EBPL: variants seen among roughly 807,000 people sequenced by gnomAD.
EBPL encodes the protein emopamil-binding protein-like.
A neutral mutation model predicts 19.0 loss-of-function variants in EBPL; 20 were observed. The ratio of observed to expected loss-of-function variants is 1.05; its 90% confidence interval spans 0.74 to 1.53. The LOEUF (loss-of-function observed/expected upper bound fraction) is 1.53, where lower values mean the gene tolerates loss of function less well. EBPL is among the 40% of genes most tolerant of loss of function. The pLI is 0.00. For missense variants in EBPL, 219 were observed against 261.1 expected (o/e 0.84, Z 1.11); for synonymous variants, 107 against 117.0 (o/e 0.91, Z 0.55).
intron 2 of EBPL, among the ~76,000 whole-genome samples, chr13:49,669,386 A>G (rs1953785863): frequency 6.6e-6 from 1 of 152,152 alleles, no homozygotes; most frequent in Non-Finnish European, 1.5e-5. Context: ...ACTTTTTTTA[A>G]AGATAGGGTC....
At chr13:49,670,006 C>A (rs908773922) in intron 1 of EBPL, among the ~76,000 whole-genome samples, 160 bp from the exon 2 acceptor site, 2 of 150,454 alleles carry the variant, frequency 1.3e-5, no homozygotes, top group Non-Finnish European at 3.0e-5. Flanking sequence ...GGGATACAAT[C>A]TTGGGACCTG....
rs185186684 is a variant in EBPL at position 49,664,217 on chromosome 13, A to G, written c.242-1022T>C. Among the ~76,000 whole-genome samples the G allele has an allele frequency of 4.0e-3, 615 of 152,358 alleles. 2 individuals carry two copies. Among genetic ancestry groups the G allele is most frequent in the Non-Finnish European group, 6.7e-3 (459 of 68,034 alleles). On this transcript the variant is annotated intron_variant, in intron 2 of 3. Coordinates refer to ENST00000242827, the MANE Select transcript of EBPL (RefSeq NM_032565.5). ...CAGTGAACCGAGATCGCACCACTGCACTCCGGCCTGGGCAACAAGAGCTAG... is the reference window on the plus strand; with the variant it reads ...CAGTGAACCGAGATCGCACCACTGCGCTCCGGCCTGGGCAACAAGAGCTAG...
intron 1 of EBPL, among the ~76,000 whole-genome samples, chr13:49,676,962 A>C (rs1156720187): frequency 6.6e-6 from 1 of 152,108 alleles, no homozygotes; most frequent in African/African-American, 2.4e-5. Flanking sequence ...TGTGACTTGC[A>C]AAAGTCCTTT....
In EBPL at chr13:49,691,268, C is replaced by G; in HGVS notation, c.157G>C (p.Val53Leu). ...ATGGCACTTACCAGCGCGAAGTGCACCAGCGCGTCGTAGCAGAGCCAGATG... is the reference window on the plus strand; with the variant it reads ...ATGGCACTTACCAGCGCGAAGTGCAGCAGCGCGTCGTAGCAGAGCCAGATG... ...ALIWLCYDALVHFALEGPFVY... is the reference protein window; with the variant it reads ...ALIWLCYDALLHFALEGPFVY... The change falls in exon 1 of 4, where the codon GTG (valine) becomes CTG (leucine). Residue 53 changes from valine (V) to leucine (L), a missense_variant. Transcript: ENST00000242827. 7.1e-7 allele frequency: 1 copy of G among 1,399,736 alleles called. No individual in the cohort carries two copies. Among genetic ancestry groups the G allele is most frequent in the Non-Finnish European group, 9.3e-7 (1 of 1,072,942 alleles). The allele number at this position is 1,399,736 out of a possible 1,614,324, so 86.7% of individuals were successfully genotyped here. A position where few individuals can be genotyped will look rare whatever the true frequency, so the allele number is the denominator to read the frequency against.
chr13:49,678,795 C>G (rs994671966), intron 1 of EBPL, among the ~76,000 whole-genome samples: 1 of 151,964 alleles, frequency 6.6e-6, no homozygotes, highest in African/African-American at 2.4e-5. Context: ...GAGGAGGCAC[C>G]GAGAGCGAGT....
intron 2 of EBPL, chr13:49,668,560 C>T (rs7999786): frequency 0.49 from 190,711 of 387,130 alleles, 50,993 homozygotes; most frequent in Non-Finnish European, 0.59. Flanking sequence ...GGGGACAGAG[C>T]GAGACTCGCC....
At chr13:49,680,166 C>T (rs1332745264) in intron 1 of EBPL, among the ~76,000 whole-genome samples, 5 of 152,174 alleles carry the variant, frequency 3.3e-5, no homozygotes, top group Non-Finnish European at 7.4e-5. Context: ...CCAAGACCCA[C>T]GAGCCACAGG....
chr13:49,673,739 G>A (rs182799467), intron 1 of EBPL, among the ~76,000 whole-genome samples: 4 of 152,084 alleles, frequency 2.6e-5, no homozygotes, highest in Admixed American at 2.6e-4. Context: ...GGCCAACCCT[G>A]TGGTTACATT....
At chr13:49,662,065 C>A in intron 3 of EBPL, 1 of 757,800 alleles carries the variant, frequency 1.3e-6, no homozygotes, top group Non-Finnish European at 2.2e-6. Flanking sequence ...ACGAACGTGG[C>A]TCACTGCAAC....
chr13:49,668,496 C>T (rs1953769384), intron 2 of EBPL: 1 of 276,200 alleles, frequency 3.6e-6, no homozygotes, highest in South Asian at 2.8e-5. Context: ...ATGGCGTGAA[C>T]CTGGGAGGCG....
At chr13:49,677,856 T>C (rs1953893489) in intron 1 of EBPL, among the ~76,000 whole-genome samples, 2 of 152,182 alleles carry the variant, frequency 1.3e-5, no homozygotes, top group African/African-American at 2.4e-5. Flanking sequence ...AAAGATGGTG[T>C]GTCAGAAGTT....
intron 2 of EBPL, among the ~76,000 whole-genome samples, chr13:49,666,284 T>C (rs926012396): frequency 6.6e-6 from 1 of 152,188 alleles, no homozygotes; most frequent in Non-Finnish European, 1.5e-5. Context: ...CCTCCAAATC[T>C]GTGCCTGCTC....
At chr13:49,678,266 C>CT (rs761929560) in intron 1 of EBPL, among the ~76,000 whole-genome samples, 31 of 152,354 alleles carry the variant, frequency 2.0e-4, no homozygotes, top group Non-Finnish European at 3.7e-4. Context: ...GCCCAGCTGG[C>CT]TTCCCCTAGT....
intron 1 of EBPL, among the ~76,000 whole-genome samples, chr13:49,684,123 T>C (rs1363155782): frequency 2.6e-5 from 4 of 152,200 alleles, no homozygotes; most frequent in Non-Finnish European, 5.9e-5. Flanking sequence ...TGGGATCATC[T>C]TCAAAGGGAC....
chr13:49,680,270 GA>G (rs1953927839), intron 1 of EBPL, among the ~76,000 whole-genome samples: 2 of 152,186 alleles, frequency 1.3e-5, no homozygotes, highest in South Asian at 4.1e-4. Context: ...ATGATAACAT[GA>G]AAGGCAGGCA....
At position 49,669,798 on chromosome 13, in the gene EBPL, C is replaced by T. The variant is rs1238641949; in HGVS notation, c.220G>A (p.Asp74Asn). 2 of 1,614,092 alleles carry T rather than the reference C, an allele frequency of 1.2e-6. No homozygotes were observed. The highest frequency in any genetic ancestry group is 1.1e-5 in the South Asian group (1 of 91,078). Residue 74 changes from aspartate (D) to asparagine (N), a missense_variant, in exon 2 of 4, where the codon GAT (aspartate) becomes AAT (asparagine). Physicochemically the swap from Asp to Asn is conservative, Grantham distance 23. Around this residue, in one of 2 missense-constraint regions of EBPL, gnomAD observed 170 missense variants for 167.0 expected, o/e 1.02. Transcript: ENST00000242827. ...LSLVGNVANS[D>N]GLIASLWKEY... The stretch of plus-strand genomic sequence containing the variant: ...TTACATAAAGAAGCAATCAAGCCAT[C>T]GGAATTTGCAACGTTTCCTACTAAA...
chr13:49,676,851 C>T (rs1215002478), intron 1 of EBPL, among the ~76,000 whole-genome samples: 1 of 152,136 alleles, frequency 6.6e-6, no homozygotes, highest in Admixed American at 6.6e-5. Flanking sequence ...CCAGACTTTC[C>T]ACAGCTATCC....
intron 1 of EBPL, among the ~76,000 whole-genome samples, chr13:49,683,574 CA>C (rs1953966183): frequency 6.6e-6 from 1 of 151,988 alleles, no homozygotes; most frequent in Non-Finnish European, 1.5e-5. Context: ...AAACAAAAAA[CA>C]AGCCTGAGCC....
chr13:49,671,540 TTTA>T (rs1351554703), intron 1 of EBPL, among the ~76,000 whole-genome samples: 1 of 152,230 alleles, frequency 6.6e-6, no homozygotes, highest in African/African-American at 2.4e-5. Context: ...TTTGCAACAC[TTTA>T]TTTTTACCAG....
Sources: allele counts gnomAD v4.1 joint callset (sites outside exome capture counted in the v4.1 genomes callset), GRCh38; gene constraint gnomAD v4.1.1; regional missense constraint gnomAD v4.1.1; transcripts MANE v1.5; gene names NCBI Gene and HGNC (gene_info 2026-07-23, HGNC 2026-07-21).